The following NRXN1 variants were observed in gnomAD, a reference collection of about 807,000 sequenced individuals.
NRXN1 encodes the protein neurexin-1.
In NRXN1, 39 loss-of-function variants were observed where a neutral mutation model predicts 150.9. The ratio of observed to expected loss-of-function variants is 0.26; its 90% CI spans 0.20 to 0.34. The LOEUF is 0.34. Among genes scored for constraint, NRXN1 ranks in the 10% least tolerant of loss-of-function variants. NRXN1 has a pLI of 1.00. For synonymous variants in NRXN1, 924 were observed against 757.0 expected (o/e 1.22, Z -3.62); for missense variants, 1,815 against 1,949.9 (o/e 0.93, Z 1.30).
At chr2:50,424,993 T>C (rs761808564) in intron 17 of NRXN1, among the ~76,000 whole-genome samples, 3 of 152,210 alleles carry the variant, frequency 2.0e-5, no homozygotes, top group Non-Finnish European at 4.4e-5. Flanking sequence ...GCTTCTCAAC[T>C]ATTTAAAAAC....
Position 50,064,948 on chromosome 2 carries a change from T to G in NRXN1, c.3719-9904A>C, listed in dbSNP as rs191805138. Among the ~76,000 whole-genome samples, 176 of 152,264 alleles carry G rather than the reference T, an allele frequency of 1.2e-3. 1 individual carries two copies. Among genetic ancestry groups the G allele is most frequent in the African/African-American group, 3.8e-3 (156 of 41,572 alleles). ...GGGCTTGGATTGTCTTCTGGACTTT[T>G]AAGACCTCACTGAATGATGAACACA... On this transcript the variant is annotated intron_variant, in intron 19 of 22. Transcript: ENST00000401669.
intron 12 of NRXN1, among the ~76,000 whole-genome samples, chr2:50,515,611 GT>G (rs1412401912): frequency 6.6e-6 from 1 of 151,170 alleles, no homozygotes; most frequent in African/African-American, 2.4e-5. Flanking sequence ...GTGTGTGTGT[GT>G]GTGTGTGTGT....
At chr2:49,978,605 C>T (rs374663874) in intron 21 of NRXN1, among the ~76,000 whole-genome samples, 1 of 150,708 alleles carries the variant, frequency 6.6e-6, no homozygotes, top group Non-Finnish European at 1.5e-5. Flanking sequence ...TTAAGCAAAG[C>T]TAATGCCTTT....
At chr2:50,785,273 G>C (rs1463305909) in intron 5 of NRXN1, among the ~76,000 whole-genome samples, 1 of 141,718 alleles carries the variant, frequency 7.1e-6, no homozygotes. Context: ...TTTTGAGACG[G>C]AGTCTCATTC....
chr2:50,910,718 C>T (rs1684395695), intron 5 of NRXN1, among the ~76,000 whole-genome samples: 1 of 151,830 alleles, frequency 6.6e-6, no homozygotes, highest in Non-Finnish European at 1.5e-5. Flanking sequence ...TAATGGTGTT[C>T]CTAAAAAAAG....
At position 50,346,899 on chromosome 2, in the gene NRXN1, G is replaced by A. The variant is rs2078033248; in HGVS notation, c.3365-109929C>T. 1.6e-6 allele frequency: 2 copies of A among 1,289,170 alleles called. No homozygotes were observed. The highest frequency in any genetic ancestry group is 9.8e-7 in the Non-Finnish European group (1 of 1,020,690). 79.9% of individuals were successfully genotyped at this position (1,289,170 alleles called of 1,614,324 possible). ...CGCCGCCGCCGCCGCCGCCGCCGCCGCCCCCGGGCGAGCCCAGCTCGGCGC... is the reference window on the plus strand; with the variant it reads ...CGCCGCCGCCGCCGCCGCCGCCGCCACCCCCGGGCGAGCCCAGCTCGGCGC... On this transcript the variant is annotated intron_variant, in intron 17 of 22. Transcript: ENST00000401669. The surrounding 1 kb of genome is among the most constrained non-coding windows in gnomAD (Gnocchi z 5.0).
At chr2:50,331,005 A>C (rs1344329826) in intron 17 of NRXN1, among the ~76,000 whole-genome samples, 1 of 152,202 alleles carries the variant, frequency 6.6e-6, no homozygotes, top group African/African-American at 2.4e-5. Context: ...TGTCATCCAT[A>C]CAAAGTCAAA....
chr2:50,981,819 ATGTG>A (rs57306719), intron 2 of NRXN1, among the ~76,000 whole-genome samples: 2,409 of 149,082 alleles, frequency 0.016, 32 homozygotes, highest in Non-Finnish European at 0.022. Flanking sequence ...TGAATAAACA[ATGTG>A]TGTGTGTGTG....
At chr2:50,004,941 CCA>C (rs1045664952) in intron 21 of NRXN1, among the ~76,000 whole-genome samples, 28 of 148,010 alleles carry the variant, frequency 1.9e-4, no homozygotes, top group African/African-American at 6.9e-4. Flanking sequence ...TTCCACAGAT[CCA>C]CAGTTTGAGA....
chr2:50,306,448 G>T, intron 17 of NRXN1, among the ~76,000 whole-genome samples: 1 of 152,152 alleles, frequency 6.6e-6, no homozygotes, highest in East Asian at 1.9e-4. Context: ...CAAACACTCA[G>T]TTCAAAAATA....
chr2:50,104,114 T>A (rs1478860225), intron 18 of NRXN1, among the ~76,000 whole-genome samples: 1 of 151,950 alleles, frequency 6.6e-6, no homozygotes, highest in Non-Finnish European at 1.5e-5. Context: ...TTGTGAAATA[T>A]CATTTCGTGA....
intron 2 of NRXN1, among the ~76,000 whole-genome samples, chr2:51,020,647 G>T (rs996789708): frequency 6.6e-6 from 1 of 151,842 alleles, no homozygotes; most frequent in Non-Finnish European, 1.5e-5. Context: ...GAAGTAGGCT[G>T]GCATTAGTTC....
chr2:50,730,312 T>A lies in NRXN1; in HGVS notation c.833-106697A>T, dbSNP rs74573523. On this transcript the variant is annotated intron_variant, in intron 5 of 22. Coordinates refer to ENST00000401669, the MANE Select transcript of NRXN1 (RefSeq NM_001330078.2). Reference sequence around the variant, plus strand: ...GCCTGACTGGCACTGTGAAATGACATCAATATTGTCAGATTCAACCAAGAG... The same window carrying A: ...GCCTGACTGGCACTGTGAAATGACAACAATATTGTCAGATTCAACCAAGAG... Among the ~76,000 whole-genome samples, 1,014 of 152,288 alleles carry A rather than the reference T, an allele frequency of 6.7e-3. 6 individuals are homozygous for A. Among genetic ancestry groups the A allele is most frequent in the African/African-American group, 0.023 (961 of 41,562 alleles).
intron 5 of NRXN1, among the ~76,000 whole-genome samples, chr2:50,746,554 T>A (rs1238989180): frequency 7.7e-6 from 1 of 129,396 alleles, no homozygotes; most frequent in Non-Finnish European, 1.7e-5. Flanking sequence ...CAAGACCCTG[T>A]CTCAAAACAA....
At chr2:50,626,451 A>ATCAAACT (rs1681079105) in intron 5 of NRXN1, among the ~76,000 whole-genome samples, 1 of 151,950 alleles carries the variant, frequency 6.6e-6, no homozygotes, top group African/African-American at 2.4e-5. Flanking sequence ...AATAACGATA[A>ATCAAACT]TCAAACTTAA....
At chr2:50,344,101 C>T (rs1044175459) in intron 17 of NRXN1, among the ~76,000 whole-genome samples, 3 of 152,106 alleles carry the variant, frequency 2.0e-5, no homozygotes, top group Admixed American at 2.0e-4. Context: ...GCGAAATATT[C>T]AGAGAGCTAT....
intron 5 of NRXN1, among the ~76,000 whole-genome samples, chr2:50,634,194 G>T (rs1440413572): frequency 6.6e-6 from 1 of 152,158 alleles, no homozygotes; most frequent in African/African-American, 2.4e-5. Flanking sequence ...GGAATGACAT[G>T]GTTTGATTTA....
intron 5 of NRXN1, among the ~76,000 whole-genome samples, chr2:50,805,839 C>T (rs770597238): frequency 6.6e-6 from 1 of 152,100 alleles, no homozygotes; most frequent in South Asian, 2.1e-4. Context: ...CTGGCATGAT[C>T]CACTTTGTTG....
intron 17 of NRXN1, among the ~76,000 whole-genome samples, chr2:50,270,751 C>A (rs559850043): frequency 6.6e-6 from 1 of 151,276 alleles, no homozygotes; most frequent in Admixed American, 6.6e-5. Context: ...CTCACTGCAA[C>A]CTCCACCTCC....
Sources: allele counts gnomAD v4.1 joint callset (sites outside exome capture counted in the v4.1 genomes callset), GRCh38; gene constraint gnomAD v4.1.1; non-coding constraint Gnocchi (gnomAD v3.1); transcripts MANE v1.5; gene names NCBI Gene and HGNC (gene_info 2026-07-23, HGNC 2026-07-21).